The following ABCD2 variants were observed in gnomAD, a reference collection of about 807,000 sequenced individuals.
ABCD2 encodes ATP-binding cassette sub-family D member 2.
Under a neutral mutation model 70.9 loss-of-function variants are expected in ABCD2, and 36 were observed. The ratio of observed to expected loss-of-function variants is 0.51; its 90% CI spans 0.39 to 0.67. The LOEUF is 0.67. Ranked by LOEUF, ABCD2 falls within the 30% of genes least tolerant of loss-of-function variation. The pLI is 0.00. For synonymous variants in ABCD2, 304 were observed against 306.9 expected, an observed-to-expected ratio of 0.99 and a Z score of 0.10; for missense variants, 729 against 890.2, an observed-to-expected ratio of 0.82 and a Z score of 2.30.
downstream of ABCD2, among the ~76,000 whole-genome samples, chr12:39,548,928 T>G (rs901005678): frequency 2.0e-5 from 3 of 152,046 alleles, no homozygotes; most frequent in Non-Finnish European, 2.9e-5. Context: ...TAACTTTAAA[T>G]ATTATTAACT....
chr12:39,581,299 A>C (rs1316319677), intron 7 of ABCD2, among the ~76,000 whole-genome samples: 1 of 152,168 alleles, frequency 6.6e-6, no homozygotes, highest in Non-Finnish European at 1.5e-5. Flanking sequence ...AGGTAATACA[A>C]TATATGAAAA....
At chr12:39,578,646 A>G (rs571153945) in intron 8 of ABCD2, among the ~76,000 whole-genome samples, 1 of 151,232 alleles carries the variant, frequency 6.6e-6, no homozygotes, top group South Asian at 2.1e-4. Context: ...TGATATCCTT[A>G]AACTCAAAAG....
intron 7 of ABCD2, among the ~76,000 whole-genome samples, chr12:39,581,512 A>G (rs1377955414): frequency 6.6e-6 from 1 of 152,174 alleles, no homozygotes; most frequent in East Asian, 1.9e-4. Flanking sequence ...TTAAAATACC[A>G]TCTGATTTAG....
intron 1 of ABCD2, 72 bp from the exon 2 acceptor site, chr12:39,617,240 TG>T: frequency 1.0e-6 from 1 of 984,572 alleles, no homozygotes; most frequent in Non-Finnish European, 1.4e-6. Context: ...TTTTTTAGTA[TG>T]GCATTATCTA....
the ABCD2 span, among the ~76,000 whole-genome samples, chr12:39,538,962 G>T: frequency 6.6e-6 from 1 of 152,070 alleles, no homozygotes; most frequent in African/African-American, 2.4e-5. Context: ...CTCACTTGGG[G>T]CTGATGCCAT....
intron 9 of ABCD2, among the ~76,000 whole-genome samples, chr12:39,565,809 A>G (rs951955574): frequency 2.6e-5 from 4 of 152,156 alleles, no homozygotes; most frequent in African/African-American, 9.7e-5. Context: ...TCCCATCAAT[A>G]CCTAATTTAT....
rs554257513 is a variant in ABCD2 at position 39,592,876 on chromosome 12, C to G, written c.1647-6579G>C. On this transcript the variant is annotated intron_variant, in intron 6 of 9. Coordinates refer to ENST00000308666, the MANE Select transcript of ABCD2 (RefSeq NM_005164.4). ...ATTGACAGGTCCAAAAGCTAGAGAC[C>G]TATAGGAAAATTGAGATTAAGATAT... Among the ~76,000 whole-genome samples, 3 of 152,272 alleles carry G rather than the reference C, an allele frequency of 2.0e-5. No homozygotes were observed. In the East Asian group the frequency reaches 5.8e-4, roughly 29 times the overall value.
chr12:39,583,168 A>C (rs545575211), intron 7 of ABCD2, among the ~76,000 whole-genome samples: 1 of 152,264 alleles, frequency 6.6e-6, no homozygotes, highest in South Asian at 2.1e-4. Context: ...CCAGCTACTA[A>C]TTCTTGTGTA....
In ABCD2 at chr12:39,550,623, CA is replaced by C. The variant is rs1211221423; in HGVS notation, c.*3288del. 7.2e-5 allele frequency: 11 copies of C among 151,786 alleles called. No individual in the cohort carries two copies. Among genetic ancestry groups the C allele is most frequent in the African/African-American group, 2.2e-4 (9 of 41,530 alleles). 9.4% of individuals were successfully genotyped at this position (151,786 alleles called of 1,614,324 possible). A position where few individuals can be genotyped will look rare whatever the true frequency, so the allele number is the denominator to read the frequency against. On this transcript the variant is annotated 3_prime_UTR_variant, in exon 10 of 10. Coordinates refer to ENST00000308666, the MANE Select transcript of ABCD2 (RefSeq NM_005164.4). ...CATCCACCTGAAGGCGCTCATGTGG[CA>C]AAACATATTCAACCCCAAAACATAT... is the stretch of plus-strand genomic sequence containing the variant.
intron 6 of ABCD2, among the ~76,000 whole-genome samples, chr12:39,592,815 C>T (rs1941764851): frequency 6.6e-6 from 1 of 152,144 alleles, no homozygotes; most frequent in African/African-American, 2.4e-5. Context: ...AGAGGTGCAC[C>T]CTGTTTGCCT....
intron 7 of ABCD2, among the ~76,000 whole-genome samples, chr12:39,581,700 A>T (rs76553666): frequency 6.6e-6 from 1 of 152,142 alleles, no homozygotes; most frequent in African/African-American, 2.4e-5. Flanking sequence ...ACAAGAGAAA[A>T]GTATTTGGGT....
chr12:39,538,774 C>T, the ABCD2 span, among the ~76,000 whole-genome samples: 5 of 152,152 alleles, frequency 3.3e-5, 1 homozygote, highest in East Asian at 3.9e-4. Context: ...ATAGCAGAAG[C>T]GGGAAGAGAG....
At chr12:39,594,728 C>T (rs1946556510) in intron 6 of ABCD2, among the ~76,000 whole-genome samples, 1 of 152,174 alleles carries the variant, frequency 6.6e-6, no homozygotes. Context: ...AATCCCAGCA[C>T]TTTGGGAGGC....
Position 39,553,793 on chromosome 12 carries a change from A to G in ABCD2, c.*119T>C. ...TATACTTCCTTAATGCTAAAATCTT[A>G]TAAAACATGTCTTGCTGCCTTTTTT... is the stretch of plus-strand genomic sequence containing the variant. On this transcript the variant is annotated 3_prime_UTR_variant, in exon 10 of 10. Transcript: ENST00000308666. 2 of 737,164 alleles carry G rather than the reference A, an allele frequency of 2.7e-6. No individual in the cohort carries two copies. Among genetic ancestry groups the G allele is most frequent in the African/African-American group, 1.8e-5 (1 of 56,254 alleles). 45.7% of individuals were successfully genotyped at this position (737,164 alleles called of 1,614,324 possible). A position where few individuals can be genotyped will look rare whatever the true frequency, so the allele number is the denominator to read the frequency against.
intron 6 of ABCD2, among the ~76,000 whole-genome samples, chr12:39,593,003 T>C (rs1391180017): frequency 6.6e-6 from 1 of 152,184 alleles, no homozygotes; most frequent in Non-Finnish European, 1.5e-5. Context: ...AGCAAGGATC[T>C]CACTGAGAAT....
intron 8 of ABCD2, among the ~76,000 whole-genome samples, chr12:39,579,206 A>G (rs1941562439): frequency 6.6e-6 from 1 of 152,226 alleles, no homozygotes; most frequent in East Asian, 1.9e-4. Context: ...TACTAAAAAC[A>G]CAAAAATTAG....
intron 6 of ABCD2, among the ~76,000 whole-genome samples, chr12:39,597,609 C>T (rs1457198379): frequency 1.3e-5 from 2 of 152,152 alleles, no homozygotes; most frequent in Non-Finnish European, 2.9e-5. Context: ...TTTCAATCAT[C>T]AGCTTAAGGA....
At chr12:39,581,508 T>C (rs1160004866) in intron 7 of ABCD2, among the ~76,000 whole-genome samples, 2 of 152,162 alleles carry the variant, frequency 1.3e-5, no homozygotes, top group Non-Finnish European at 2.9e-5. Context: ...AATCTTAAAA[T>C]ACCATCTGAT....
At chr12:39,533,044 A>G in the ABCD2 span, among the ~76,000 whole-genome samples, 3 of 151,952 alleles carry the variant, frequency 2.0e-5, no homozygotes, top group African/African-American at 7.2e-5. Context: ...GGGTGCCTGT[A>G]ATCCCAGCTA....
Sources: allele counts gnomAD v4.1 joint callset (sites outside exome capture counted in the v4.1 genomes callset), GRCh38; gene constraint gnomAD v4.1.1; transcripts MANE v1.5; gene names NCBI Gene and HGNC (gene_info 2026-07-23, HGNC 2026-07-21).